Variants in RHOBTB3 observed in about 807,000 individuals in gnomAD.
RHOBTB3 encodes the protein Rho related BTB domain containing 3, also known as rho-related BTB domain-containing protein 3.
RHOBTB3 carries 47 observed loss-of-function variants against 67.2 expected under a neutral mutation model. The ratio of observed to expected loss-of-function variants is 0.70; its 90% CI spans 0.55 to 0.89. RHOBTB3 has a LOEUF of 0.89. RHOBTB3 is among the 40% of genes least tolerant of loss of function. The pLI is 0.00. For missense variants in RHOBTB3, 631 were observed against 750.0 expected (o/e 0.84, Z 1.85); for synonymous variants, 273 against 274.2 (o/e 1.00, Z 0.04).
rs186654314 is a variant in RHOBTB3 at position 95,770,326 on chromosome 5, G to A, written c.1282+2160G>A. 3.2e-4 allele frequency: 88 copies of A among 278,666 alleles called. 1 individual carries two copies. The East Asian group carries it at 7.1e-3, about 23-fold the overall frequency. The allele number at this position is 278,666 out of a possible 1,614,324, so 17.3% of individuals were successfully genotyped here. A position where few individuals can be genotyped will look rare whatever the true frequency, so the allele number is the denominator to read the frequency against. Reference sequence around the variant, plus strand: ...TGAAGAAGACATCATTCTGGGATGGGGTTGTGCCTTGCTTCAGTTCATTCC... The same window carrying A: ...TGAAGAAGACATCATTCTGGGATGGAGTTGTGCCTTGCTTCAGTTCATTCC... On this transcript the variant is annotated intron_variant, in intron 8 of 11. Coordinates refer to ENST00000379982, the MANE Select transcript of RHOBTB3 (RefSeq NM_014899.4).
At chr5:95,726,437 C>A (rs1347571190), upstream of RHOBTB3, among the ~76,000 whole-genome samples, 1 of 152,144 alleles carries the variant, frequency 6.6e-6, no homozygotes, top group African/African-American at 2.4e-5. Context: ...GCCTTCAATA[C>A]TTTGGTGTTT....
intron 9 of RHOBTB3, chr5:95,782,643 C>CA (rs1360562636): frequency 6.6e-6 from 1 of 151,822 alleles, no homozygotes; most frequent in African/African-American, 2.4e-5. Flanking sequence ...CCCGTCTTTA[C>CA]AAAAAATACA....
At chr5:95,749,964 A>G (rs1745042677) in intron 4 of RHOBTB3, among the ~76,000 whole-genome samples, 1 of 152,124 alleles carries the variant, frequency 6.6e-6, no homozygotes, top group Non-Finnish European at 1.5e-5. Flanking sequence ...GGTTAGAGGC[A>G]TGATGAGGAT....
At chr5:95,733,471 T>A (rs1012465201) in intron 2 of RHOBTB3, among the ~76,000 whole-genome samples, 8 of 152,230 alleles carry the variant, frequency 5.3e-5, no homozygotes, top group Non-Finnish European at 8.8e-5. Context: ...CGTATTTAAT[T>A]TGAGCTGTTA....
rs1745225570 is a variant in RHOBTB3, at chr5:95,755,728, T to G, written c.1015T>G (p.Cys339Gly). The G allele has an allele frequency of 1.2e-6, 2 of 1,613,858 alleles. No individual in the cohort carries two copies. The highest frequency in any genetic ancestry group is 1.7e-6 in the Non-Finnish European group (2 of 1,180,012). Residue 339 changes from cysteine (C) to glycine (G), a missense_variant, in exon 6 of 12, where the codon TGT becomes GGT. Cys to Gly is a radical substitution (Grantham distance 159). Transcript: ENST00000379982. ...TGTTAAAGACGCCCTCTTCTGTTCT[T>G]GTTTATCAGACATCCTTCGCTTCAT... Reference protein sequence around the residue: ...VIVKDALFCSCLSDILRFIYS... With the variant: ...VIVKDALFCSGLSDILRFIYS...
chr5:95,776,435 A>T (rs1180441991), intron 8 of RHOBTB3, among the ~76,000 whole-genome samples: 1 of 152,014 alleles, frequency 6.6e-6, no homozygotes, highest in African/African-American at 2.4e-5. Flanking sequence ...AAATAAAAAA[A>T]TAAATTTAAA....
intron 7 of RHOBTB3, among the ~76,000 whole-genome samples, chr5:95,765,829 T>C (rs778277766): frequency 6.6e-5 from 10 of 152,096 alleles, no homozygotes; most frequent in Non-Finnish European, 1.2e-4. Flanking sequence ...ACCCAGCTAA[T>C]GTTTTTGTAT....
intron 8 of RHOBTB3, among the ~76,000 whole-genome samples, chr5:95,778,052 G>A (rs370238847): frequency 6.6e-5 from 10 of 152,126 alleles, no homozygotes; most frequent in African/African-American, 2.2e-4. Context: ...CCTGGGAGGC[G>A]GAGGTTGTGG....
intron 3 of RHOBTB3, among the ~76,000 whole-genome samples, chr5:95,744,130 C>T (rs758902021): frequency 3.0e-4 from 46 of 151,688 alleles, no homozygotes; most frequent in African/African-American, 9.2e-4. Flanking sequence ...TGTGATTTGG[C>T]AGGGAGGGGA....
intron 9 of RHOBTB3, among the ~76,000 whole-genome samples, chr5:95,783,339 G>A (rs555408645): frequency 6.6e-6 from 1 of 151,530 alleles, no homozygotes; most frequent in African/African-American, 2.4e-5. Context: ...CGCCAGGATG[G>A]ACTTGATTTC....
At chr5:95,735,486 G>A (rs1304423264) in intron 2 of RHOBTB3, among the ~76,000 whole-genome samples, 1 of 152,164 alleles carries the variant, frequency 6.6e-6, no homozygotes, top group Non-Finnish European at 1.5e-5. Flanking sequence ...ATGTGCCATC[G>A]TAGGATAAAA....
rs568310330 is a variant in RHOBTB3, at chr5:95,756,540, C to A, written c.1048+779C>A. Reference sequence around the variant, plus strand: ...GCATATATACACAGAAGTGGAATTGCTGGATCACATGGTAATTCTGTTTTT... The same window carrying A: ...GCATATATACACAGAAGTGGAATTGATGGATCACATGGTAATTCTGTTTTT... On this transcript the variant is annotated intron_variant, in intron 6 of 11. Transcript: ENST00000379982. Among the ~76,000 whole-genome samples the A allele has an allele frequency of 2.1e-3, 313 of 152,268 alleles. 1 individual carries two copies. The highest frequency in any genetic ancestry group is 3.3e-3 in the Non-Finnish European group (226 of 68,002).
At chr5:95,751,852 G>A (rs993625189) in intron 4 of RHOBTB3, among the ~76,000 whole-genome samples, 1 of 152,254 alleles carries the variant, frequency 6.6e-6, no homozygotes, top group East Asian at 1.9e-4. Context: ...CCATTTTGCC[G>A]CAAAGGACAT....
At chr5:95,735,688 A>G (rs917231574) in intron 2 of RHOBTB3, among the ~76,000 whole-genome samples, 1 of 152,230 alleles carries the variant, frequency 6.6e-6, no homozygotes, top group Non-Finnish European at 1.5e-5. Flanking sequence ...CAAATGATTA[A>G]TAGTTAACTA....
Position 95,768,137 on chromosome 5 carries a change from T to C in RHOBTB3, c.1253T>C (p.Met418Thr). 1 of 1,613,584 alleles carries C rather than the reference T, an allele frequency of 6.2e-7. No homozygotes were observed. Among genetic ancestry groups the C allele is most frequent in the Non-Finnish European group, 8.5e-7 (1 of 1,179,726 alleles). The change falls in exon 8 of 12, where the codon ATG becomes ACG. Residue 418 changes from methionine (M) to threonine (T), a missense_variant. By Grantham distance (81) the Met-to-Thr change is moderately conservative (BLOSUM62 -1). Coordinates refer to ENST00000379982, the MANE Select transcript of RHOBTB3 (RefSeq NM_014899.4). ...TSLKFFLNKPMLADVVFEIQG... is the reference protein window; with the variant it reads ...TSLKFFLNKPTLADVVFEIQG... ...CTCAAGTTTTTCCTTAATAAGCCGA[T>C]GCTTGCCGATGTTGTCTTCGAAATT... is the stretch of plus-strand genomic sequence containing the variant.
At chr5:95,765,202 A>G (rs1462715631) in intron 7 of RHOBTB3, among the ~76,000 whole-genome samples, 1 of 152,194 alleles carries the variant, frequency 6.6e-6, no homozygotes, top group Non-Finnish European at 1.5e-5. Context: ...TTCATGTGTA[A>G]TATACATCTA....
At chr5:95,730,403 C>A (rs866305905), upstream of RHOBTB3, among the ~76,000 whole-genome samples, 8 of 152,302 alleles carry the variant, frequency 5.3e-5, no homozygotes, top group South Asian at 2.1e-4. Flanking sequence ...TAATCCCTGG[C>A]CCATTTTGGT....
intron 11 of RHOBTB3, among the ~76,000 whole-genome samples, chr5:95,792,106 G>T (rs1746415199): frequency 6.6e-6 from 1 of 152,216 alleles, no homozygotes; most frequent in African/African-American, 2.4e-5. Flanking sequence ...CAGAAAGCAG[G>T]CAGGGCAGCA....
chr5:95,792,510 A>G (rs1746437228), intron 11 of RHOBTB3, among the ~76,000 whole-genome samples: 1 of 152,076 alleles, frequency 6.6e-6, no homozygotes, highest in Non-Finnish European at 1.5e-5. Context: ...AAAGAAAAGG[A>G]AGCCAGGCGT....
Sources: gnomAD v4.1 joint callset for allele counts (sites outside exome capture counted in the v4.1 genomes callset) on GRCh38, gnomAD v4.1.1 for gene constraint, MANE v1.5 for transcripts, NCBI Gene and HGNC (gene_info 2026-07-23, HGNC 2026-07-21) for gene names.